Variants in CALD1 observed in about 807,000 individuals in gnomAD.
The protein encoded by CALD1 is caldesmon 1, also known as caldesmon.
CALD1 carries 33 observed loss-of-function variants against 99.9 expected under a neutral mutation model. That is an observed-to-expected ratio of 0.33 (90% CI 0.25 to 0.44). CALD1 has a LOEUF of 0.44. Among genes scored for constraint, CALD1 ranks in the 20% least tolerant of loss-of-function variants. The probability of loss-of-function intolerance (pLI) is 1.00; values close to 1 mark genes in which losing one functional copy is unlikely to be tolerated. For synonymous variants in CALD1, 310 were observed against 325.0 expected (o/e 0.95, Z 0.50); for missense variants, 861 against 962.1 (o/e 0.89, Z 1.39).
intron 1 of CALD1, among the ~76,000 whole-genome samples, chr7:134,813,281 A>T (rs917979646): frequency 1.3e-5 from 2 of 152,032 alleles, no homozygotes; most frequent in East Asian, 3.9e-4. Flanking sequence ...AGAGGATTGG[A>T]ATAGGAGCTG....
rs1805664243 is a variant in CALD1 at position 134,933,148 on chromosome 7, G to A, written c.379G>A (p.Asp127Asn). Residue 127 changes from aspartate (D) to asparagine (N), a missense_variant, in exon 5 of 15, where the codon GAT becomes AAT. Coordinates refer to ENST00000361675, the MANE Select transcript of CALD1 (RefSeq NM_033138.4). ...GAAGGAGTTCGACCCAACAATAACA[G>A]ATGCAAGTCTGTCGCTCCCAAGCAG... ...RQKEFDPTIT[D>N]ASLSLPSRRM... The A allele has an allele frequency of 1.2e-6, 2 of 1,613,700 alleles. No individual in the cohort carries two copies. Among genetic ancestry groups the A allele is most frequent in the African/African-American group, 1.3e-5 (1 of 74,882 alleles).
At chr7:134,929,191 A>T (rs1805295131) in intron 4 of CALD1, among the ~76,000 whole-genome samples, 1 of 152,174 alleles carries the variant, frequency 6.6e-6, no homozygotes, top group South Asian at 2.1e-4. Flanking sequence ...TAATTTAATA[A>T]GTATGGTGTG....
chr7:134,808,329 A>T (rs1317945037), intron 1 of CALD1, among the ~76,000 whole-genome samples: 1 of 151,628 alleles, frequency 6.6e-6, no homozygotes, highest in Non-Finnish European at 1.5e-5. Flanking sequence ...GCTGGTCTTG[A>T]ACTCCTGGGC....
At chr7:134,777,466 C>T (rs554857034), upstream of CALD1, among the ~76,000 whole-genome samples, 80 of 152,210 alleles carry the variant, frequency 5.3e-4, no homozygotes, top group African/African-American at 1.8e-3. Flanking sequence ...AGGTCCCTGC[C>T]GTGTTTCCTG....
In CALD1 at chr7:134,841,416, A is replaced by T. The variant is rs143812908; in HGVS notation, c.-129-2468A>T. 7.7e-3 allele frequency among the ~76,000 whole-genome samples: 1,171 copies of T among 152,276 alleles called. 10 individuals carry two copies. Among genetic ancestry groups the T allele is most frequent in the African/African-American group, 0.026 (1,068 of 41,554 alleles). On this transcript the variant is annotated intron_variant, in intron 1 of 14. Coordinates refer to ENST00000361675, the MANE Select transcript of CALD1 (RefSeq NM_033138.4). ...TTTATTTTAATTTCCATCCCCACAA[A>T]TTATGTGACTTCCTGCCAACTATGA... is the stretch of plus-strand genomic sequence containing the variant.
chr7:134,771,628 T>C (rs531177329), intron 1 of CALD1, among the ~76,000 whole-genome samples: 1 of 152,126 alleles, frequency 6.6e-6, no homozygotes, highest in Admixed American at 6.5e-5. Flanking sequence ...CAGTGCTTTT[T>C]TTTTTCCTGC....
rs543071475 is a variant in CALD1, at chr7:134,894,024, G to A, written c.71+26220G>A. Among the ~76,000 whole-genome samples the A allele has an allele frequency of 2.0e-3, 304 of 152,274 alleles. 1 individual carries two copies. The highest frequency in any genetic ancestry group is 6.8e-3 in the Middle Eastern group (2 of 294). Reference sequence around the variant, plus strand: ...GATAACAGACAAAATGGGGTAGGGCGACACTCAGATATGCATTTGTGTCTG... The same window carrying A: ...GATAACAGACAAAATGGGGTAGGGCAACACTCAGATATGCATTTGTGTCTG... On this transcript the variant is annotated intron_variant, in intron 3 of 14. Transcript: ENST00000361675.
chr7:134,925,513 T>C (rs1365121584), intron 3 of CALD1, among the ~76,000 whole-genome samples: 1 of 151,980 alleles, frequency 6.6e-6, no homozygotes, highest in East Asian at 1.9e-4. Flanking sequence ...ACTGACTCAC[T>C]CATAGCTGGG....
intron 5 of CALD1, among the ~76,000 whole-genome samples, chr7:134,934,632 C>G (rs2132983832): frequency 6.6e-6 from 1 of 152,210 alleles, no homozygotes; most frequent in South Asian, 2.1e-4. Context: ...ACCTGTAATC[C>G]CAGCACTTTG....
chr7:134,958,429 G>A, intron 11 of CALD1, 139 bp downstream of exon 11: 3 of 510,958 alleles, frequency 5.9e-6, no homozygotes, highest in East Asian at 3.3e-5. Flanking sequence ...TTTTTTTTTT[G>A]AGACGGAGTC....
At chr7:134,881,165 C>T (rs1284216244) in intron 3 of CALD1, among the ~76,000 whole-genome samples, 1 of 152,174 alleles carries the variant, frequency 6.6e-6, no homozygotes, top group Admixed American at 6.5e-5. Flanking sequence ...TTAACATACA[C>T]TCTCTTTCCT....
chr7:134,862,602 G>T (rs1031785163), intron 2 of CALD1, among the ~76,000 whole-genome samples: 31 of 152,236 alleles, frequency 2.0e-4, no homozygotes, highest in African/African-American at 7.5e-4. Flanking sequence ...GAGCAGGTGG[G>T]GTTTTTAGGG....
At chr7:134,893,833 T>TA (rs1368756368) in intron 3 of CALD1, among the ~76,000 whole-genome samples, 1 of 152,216 alleles carries the variant, frequency 6.6e-6, no homozygotes, top group African/African-American at 2.4e-5. Flanking sequence ...GAGATAGGTC[T>TA]ATGCCTTTAT....
chr7:134,728,787 G>A, the CALD1 span, among the ~76,000 whole-genome samples: 3 of 151,192 alleles, frequency 2.0e-5, no homozygotes, highest in Non-Finnish European at 2.9e-5. Flanking sequence ...GCCCTTCCAT[G>A]AAGCTCTGAT....
chr7:134,958,203 T>C lies in CALD1; in HGVS notation c.1980-6T>C, dbSNP rs1298459745. The C allele has an allele frequency of 6.2e-7, 1 of 1,613,968 alleles. No homozygotes were observed. The highest frequency in any genetic ancestry group is 8.5e-7 in the Non-Finnish European group (1 of 1,179,892). On this transcript the variant is annotated splice_region_variant and splice_polypyrimidine_tract_variant and intron_variant, in intron 10 of 14. Coordinates refer to ENST00000361675, the MANE Select transcript of CALD1 (RefSeq NM_033138.4). ...TATTTTTATATGTATGTGTTTACTT[T>C]TTTAGCAGTGGTGTCAAATCGACCC...
intron 3 of CALD1, among the ~76,000 whole-genome samples, chr7:134,916,816 T>G (rs549364187): frequency 6.6e-6 from 1 of 152,258 alleles, no homozygotes; most frequent in Non-Finnish European, 1.5e-5. Context: ...GACTTTAGTA[T>G]TGCATCACAT....
intron 1 of CALD1, among the ~76,000 whole-genome samples, chr7:134,787,005 C>G (rs1273528742): frequency 6.6e-6 from 1 of 152,146 alleles, no homozygotes; most frequent in Non-Finnish European, 1.5e-5. Context: ...TCCCTGGTGA[C>G]TCTGATAAAA....
At chr7:134,772,555 G>T (rs1279552199) in intron 1 of CALD1, among the ~76,000 whole-genome samples, 1 of 152,162 alleles carries the variant, frequency 6.6e-6, no homozygotes, top group Non-Finnish European at 1.5e-5. Context: ...GGTCTTGCCT[G>T]CTATCCTCTG....
At chr7:134,733,835 A>ACC in the CALD1 span, among the ~76,000 whole-genome samples, 1 of 71,058 alleles carries the variant, frequency 1.4e-5, no homozygotes, top group African/African-American at 6.0e-5. Flanking sequence ...AACAAAAAAA[A>ACC]ACAAAATAGG....
Sources: gnomAD v4.1 joint callset for allele counts (sites outside exome capture counted in the v4.1 genomes callset) on GRCh38, gnomAD v4.1.1 for gene constraint, MANE v1.5 for transcripts, NCBI Gene and HGNC (gene_info 2026-07-23, HGNC 2026-07-21) for gene names.